Variants in MYO9B observed in about 807,000 individuals in gnomAD.
MYO9B encodes unconventional myosin-IXb.
MYO9B carries 71 observed loss-of-function variants against 229.5 expected under a neutral mutation model. That is an observed-to-expected ratio of 0.31 (90% confidence interval 0.26 to 0.38). The LOEUF (loss-of-function observed/expected upper bound fraction) is 0.38, where lower values mean the gene tolerates loss of function less well. Ranked by LOEUF, MYO9B falls within the 10% of genes least tolerant of loss-of-function variation. The pLI is 1.00. For missense variants in MYO9B, 2,255 were observed against 2,920.5 expected (o/e 0.77, Z 5.25); for synonymous variants, 1,185 against 1,235.8 (o/e 0.96, Z 0.86).
intron 2 of MYO9B, among the ~76,000 whole-genome samples, chr19:17,121,843 C>T (rs1283546058): frequency 6.6e-6 from 1 of 151,838 alleles, no homozygotes; most frequent in Non-Finnish European, 1.5e-5. Flanking sequence ...ACAATTGGCC[C>T]GGCACAGTGC....
Position 17,195,517 on chromosome 19 carries a change from C to G in MYO9B, c.4046+44C>G. 1 of 1,546,150 alleles carries G rather than the reference C, an allele frequency of 6.5e-7. No homozygotes were observed. The highest frequency in any genetic ancestry group is 8.7e-7 in the Non-Finnish European group (1 of 1,152,706). On this transcript the variant is annotated intron_variant, in intron 22 of 39. Transcript: ENST00000682292. The surrounding 1 kb of genome is among the most constrained non-coding windows in gnomAD (Gnocchi z 4.5). ...TTTGTCTGAGCACCAGGGTCCAGGC[C>G]AGGTGGGCAAGGCCAGGGGCAGTGC...
chr19:17,200,887 C>T, intron 26 of MYO9B, 58 bp downstream of exon 26: 1 of 1,559,280 alleles, frequency 6.4e-7, no homozygotes, highest in South Asian at 1.2e-5. Flanking sequence ...GGAACCATCA[C>T]AGCCAGGCAT....
At position 17,195,641 on chromosome 19, in the gene MYO9B, A is replaced by T. The variant is rs1299400113; in HGVS notation, c.4046+168A>T. 1.3e-5 allele frequency among the ~76,000 whole-genome samples: 2 copies of T among 152,128 alleles called. No homozygotes were observed. The highest frequency in any genetic ancestry group is 3.9e-4 in the East Asian group (2 of 5,184). On this transcript the variant is annotated intron_variant, in intron 22 of 39. Transcript: ENST00000682292. This position sits in a 1 kb window ranked among gnomAD's most constrained non-coding sequence, Gnocchi z 4.5. ...GACATGCTAAAGACCAAGTGAAGACAAGGCAGCCAGCCAGGGCCCAGGCTG... is the reference window on the plus strand; with the variant it reads ...GACATGCTAAAGACCAAGTGAAGACTAGGCAGCCAGCCAGGGCCCAGGCTG...
At chr19:17,158,991 C>T (rs1238567406) in intron 7 of MYO9B, among the ~76,000 whole-genome samples, 2 of 152,102 alleles carry the variant, frequency 1.3e-5, no homozygotes, top group Non-Finnish European at 2.9e-5. Flanking sequence ...GTCAGGAGTT[C>T]GAGACCAGCC....
At chr19:17,163,702 G>A (rs2072629543) in intron 10 of MYO9B, among the ~76,000 whole-genome samples, 1 of 152,090 alleles carries the variant, frequency 6.6e-6, no homozygotes, top group Non-Finnish European at 1.5e-5. Context: ...TTTTGACTAA[G>A]TGCCTCATAT....
Position 17,212,207 on chromosome 19 carries a change from T to C in MYO9B, c.6371T>C (p.Leu2124Pro). ...PGADLPVQGA[L>P]EPLEEDGQPP... is the part of the protein sequence containing the mutation. ...GCAGACCTGCCAGTGCAGGGCGCCC[T>C]GGAGCCCCTAGAAGAGGATGGCCAG... is the stretch of plus-strand genomic sequence containing the variant. Residue 2124 changes from leucine (L) to proline (P), a missense_variant, in exon 40 of 40, where the codon CTG becomes CCG. Leu to Pro is a moderately conservative substitution (Grantham distance 98). Around this residue, in one of 7 missense-constraint regions of MYO9B, gnomAD observed 331 missense variants for 332.5 expected, o/e 1.00. Transcript: ENST00000682292. This position sits in a 1 kb window ranked among gnomAD's most constrained non-coding sequence, Gnocchi z 5.4. 1.3e-6 allele frequency: 2 copies of C among 1,583,750 alleles called. No homozygotes were observed. The highest frequency in any genetic ancestry group is 4.6e-5 in the East Asian group (2 of 43,026).
chr19:17,178,790 G>T (rs113540410), intron 14 of MYO9B, among the ~76,000 whole-genome samples: 3,045 of 152,058 alleles, frequency 0.02, 103 homozygotes, highest in African/African-American at 0.07. Flanking sequence ...CCCAGCACTT[G>T]GGGGAGGCAT....
At chr19:17,094,041 TG>T (rs1413425582) in intron 1 of MYO9B, among the ~76,000 whole-genome samples, 1 of 94,108 alleles carries the variant, frequency 1.1e-5, no homozygotes, top group Admixed American at 1.2e-4. Context: ...TTGTTGTTGT[TG>T]TTGTTGTTGT....
intron 1 of MYO9B, among the ~76,000 whole-genome samples, chr19:17,085,898 C>T (rs2057578183): frequency 2.6e-5 from 4 of 152,112 alleles, no homozygotes; most frequent in Admixed American, 6.5e-5. Context: ...TCCAGACCCG[C>T]GTCCCTGGCT....
In MYO9B at chr19:17,183,714, T is replaced by G; in HGVS notation, c.2334-115T>G. The G allele has an allele frequency of 2.4e-6, 2 of 844,766 alleles. 1 individual carries two copies. The highest frequency in any genetic ancestry group is 3.5e-5 in the South Asian group (2 of 57,062). The allele number at this position is 844,766 out of a possible 1,614,324, so 52.3% of individuals were successfully genotyped here. A position where few individuals can be genotyped will look rare whatever the true frequency, so the allele number is the denominator to read the frequency against. On this transcript the variant is annotated intron_variant, in intron 15 of 39. Transcript: ENST00000682292. ...TTGTTGCACTTGCGCCTTCTCACTC[T>G]CTCCCCTCTCTCTGTGTCTCTCAGT...
chr19:17,206,622 C>T, intron 33 of MYO9B, 57 bp from the exon 34 acceptor site: 1 of 1,464,382 alleles, frequency 6.8e-7, no homozygotes, highest in Non-Finnish European at 9.3e-7. Flanking sequence ...TTGGTGGGGA[C>T]AACAGGCACC....
intron 3 of MYO9B, among the ~76,000 whole-genome samples, chr19:17,145,722 G>A (rs567342749): frequency 3.6e-4 from 54 of 152,108 alleles, no homozygotes; most frequent in Non-Finnish European, 5.7e-4. Context: ...GGGCTTTACC[G>A]AGAACAGGCA....
Position 17,210,752 on chromosome 19 carries a change from A to T in MYO9B, c.5834A>T (p.Glu1945Val). Residue 1945 changes from glutamate (E) to valine (V), a missense_variant, in exon 38 of 40, where the codon GAG (glutamate) becomes GTG (valine). Physicochemically the swap from Glu to Val is moderately radical, Grantham distance 121 (BLOSUM62 -2). Coordinates refer to ENST00000682292, the MANE Select transcript of MYO9B (RefSeq NM_004145.4). ...AAGACCCGGGACATCCAGGAGGAGG[A>T]GCTGGAGGTGCTGCTGGAGGAGGAG... ...SPKTRDIQEE[E>V]LEVLLEEEAA... 6.4e-7 allele frequency: 1 copy of T among 1,565,194 alleles called. No homozygotes were observed. The highest frequency in any genetic ancestry group is 8.7e-7 in the Non-Finnish European group (1 of 1,155,314).
intron 14 of MYO9B, among the ~76,000 whole-genome samples, chr19:17,180,405 A>G (rs2072845499): frequency 7.8e-6 from 1 of 127,674 alleles, no homozygotes; most frequent in Non-Finnish European, 1.6e-5. Context: ...CTGGAGTGCA[A>G]TGGATGGCAC....
chr19:17,115,027 C>T (rs1041492095), intron 2 of MYO9B, among the ~76,000 whole-genome samples: 2 of 150,678 alleles, frequency 1.3e-5, no homozygotes, highest in East Asian at 1.9e-4. Flanking sequence ...CTAGCCCTGT[C>T]GCCCAAGCTG....
chr19:17,131,583 T>C (rs1394094824), intron 2 of MYO9B, among the ~76,000 whole-genome samples: 1 of 152,158 alleles, frequency 6.6e-6, no homozygotes, highest in African/African-American at 2.4e-5. Context: ...TGAATAATTC[T>C]TCTCTAACTT....
chr19:17,116,805 G>A (rs546252501), intron 2 of MYO9B, among the ~76,000 whole-genome samples: 10 of 152,104 alleles, frequency 6.6e-5, no homozygotes, highest in Non-Finnish European at 1.5e-4. Context: ...GAGTGCTGAG[G>A]CTGGAGGCTG....
rs529548958 is a variant in MYO9B at position 17,079,291 on chromosome 19, A to G, written c.-59+3417A>G. ...GACCAGGAACTGAATCCTGCCATCC[A>G]GTCAGTTCTTAATCAGGAGGGAGCG... On this transcript the variant is annotated intron_variant, in intron 1 of 39. Transcript: ENST00000682292. 9.2e-5 allele frequency among the ~76,000 whole-genome samples: 14 copies of G among 152,308 alleles called. No homozygotes were observed. The South Asian group carries it at 2.9e-3, about 32-fold the overall frequency.
intron 2 of MYO9B, among the ~76,000 whole-genome samples, chr19:17,142,817 C>G (rs1030865355): frequency 3.9e-5 from 6 of 152,138 alleles, no homozygotes; most frequent in Admixed American, 3.9e-4. Flanking sequence ...CCATTCTTGG[C>G]TCGCAGGCGA....
Sources: allele counts gnomAD v4.1 joint callset (sites outside exome capture counted in the v4.1 genomes callset), GRCh38; gene constraint gnomAD v4.1.1; regional missense constraint gnomAD v4.1.1; non-coding constraint Gnocchi (gnomAD v3.1); transcripts MANE v1.5; gene names NCBI Gene and HGNC (gene_info 2026-07-23, HGNC 2026-07-21).